SSPN: variants seen among roughly 807,000 people sequenced by gnomAD.
The protein encoded by SSPN is sarcospan, also known as K-ras oncogene-associated protein.
SSPN carries 15 observed loss-of-function variants against 19.1 expected under a neutral mutation model. The observed-to-expected ratio is 0.78, with a 90% confidence interval of 0.52 to 1.21. SSPN has a LOEUF of 1.21. SSPN is among the 50% of genes most tolerant of loss of function. The pLI, the probability that SSPN is intolerant of heterozygous loss-of-function variation, is 0.00. For missense variants in SSPN, 291 were observed against 314.0 expected (o/e 0.93, Z 0.55); for synonymous variants, 147 against 140.3 (o/e 1.05, Z -0.34).
intron 1 of SSPN, among the ~76,000 whole-genome samples, chr12:26,220,638 G>C (rs761603667): frequency 1.8e-4 from 28 of 152,048 alleles, no homozygotes; most frequent in Non-Finnish European, 3.5e-4. Flanking sequence ...ACAAATCCTT[G>C]TCTCCAACCC....
At chr12:26,227,198 T>A (rs763897361) in intron 2 of SSPN, among the ~76,000 whole-genome samples, 2 of 152,180 alleles carry the variant, frequency 1.3e-5, no homozygotes, top group Non-Finnish European at 2.9e-5. Flanking sequence ...AGCTTGTTGC[T>A]GTCAGATGAG....
intron 2 of SSPN, among the ~76,000 whole-genome samples, chr12:26,230,290 T>C (rs1452440982): frequency 3.9e-5 from 6 of 152,220 alleles, no homozygotes; most frequent in Admixed American, 6.5e-5. Flanking sequence ...GTGTTTGCAT[T>C]ACAAAAACCT....
At chr12:26,164,084 GT>G (rs1258867753) in intron 1 of SSPN, among the ~76,000 whole-genome samples, 1 of 152,186 alleles carries the variant, frequency 6.6e-6, no homozygotes, top group Non-Finnish European at 1.5e-5. Context: ...GCAAAGCCCC[GT>G]AAGCAGATCA....
chr12:26,174,584 A>G (rs547691312), intron 1 of SSPN, among the ~76,000 whole-genome samples: 1 of 149,172 alleles, frequency 6.7e-6, no homozygotes, highest in Non-Finnish European at 1.5e-5. Context: ...GCAGTGACAA[A>G]ATCCCAGCTC....
intron 1 of SSPN, among the ~76,000 whole-genome samples, chr12:26,127,442 C>T (rs982653987): frequency 6.6e-6 from 1 of 152,104 alleles, no homozygotes; most frequent in South Asian, 2.1e-4. Context: ...CTTTGAGGCT[C>T]CTCTCTCCCC....
chr12:26,137,656 A>ATATTTTTT (rs1377562695), intron 1 of SSPN, among the ~76,000 whole-genome samples: 9 of 76,436 alleles, frequency 1.2e-4, no homozygotes, highest in African/African-American at 5.2e-4. Flanking sequence ...ATATATATAT[A>ATATTTTTT]TTTTTTTTTT....
At chr12:26,124,252 T>TGGGGGGGGCGGGG in intron 1 of SSPN, 1 of 879,458 alleles carries the variant, frequency 1.1e-6, no homozygotes, top group Non-Finnish European at 1.8e-6. Flanking sequence ...TACCCTCGTC[T>TGGGGGGGGCGGGG]GCCCCCCCCG....
chr12:26,129,017 T>C (rs1944382426), intron 1 of SSPN, among the ~76,000 whole-genome samples: 1 of 152,164 alleles, frequency 6.6e-6, no homozygotes, highest in Non-Finnish European at 1.5e-5. Context: ...CTGAAAGGAT[T>C]AAAGTTTCCA....
chr12:26,122,194 G>A (rs1944312768), intron 1 of SSPN: 3 of 1,444,028 alleles, frequency 2.1e-6, no homozygotes, highest in Non-Finnish European at 2.7e-6. Flanking sequence ...GGCGCCCCAA[G>A]GGGCGCCACC....
intron 1 of SSPN, among the ~76,000 whole-genome samples, chr12:26,223,475 G>T (rs1945144325): frequency 6.6e-6 from 1 of 151,832 alleles, no homozygotes. Context: ...CTCCCGAAGT[G>T]TTGGGATGAC....
In SSPN at chr12:26,230,805, C is replaced by T. The variant is rs1418900268; in HGVS notation, c.461C>T (p.Thr154Ile). 2 of 1,614,086 alleles carry T rather than the reference C, an allele frequency of 1.2e-6. No homozygotes were observed. The highest frequency in any genetic ancestry group is 1.7e-6 in the Non-Finnish European group (2 of 1,180,046). Residue 154 changes from threonine (T) to isoleucine (I), a missense_variant, in exon 3 of 3, where the codon ACC (threonine) becomes ATC (isoleucine). Thr to Ile is a moderately conservative substitution (Grantham distance 89). Coordinates refer to ENST00000242729, the MANE Select transcript of SSPN (RefSeq NM_005086.5). ...CACTATTCGCAGCTCACACAGTTTA[C>T]CTGTGAGACCACACTCGACTCTTGC... is the stretch of plus-strand genomic sequence containing the variant. Reference protein sequence around the residue: ...AHHYSQLTQFTCETTLDSCQC... With the variant: ...AHHYSQLTQFICETTLDSCQC...
intron 1 of SSPN, among the ~76,000 whole-genome samples, chr12:26,189,212 T>G (rs1004427841): frequency 6.6e-5 from 10 of 152,234 alleles, no homozygotes; most frequent in African/African-American, 2.2e-4. Flanking sequence ...AATATGTTTT[T>G]GCCTATTTTA....
intron 1 of SSPN, among the ~76,000 whole-genome samples, chr12:26,186,204 T>TA (rs34853948): frequency 0.6 from 90,381 of 149,664 alleles, 28,717 homozygotes; most frequent in African/African-American, 0.83. Context: ...TCAGGAATGT[T>TA]AAAAAAAAAA....
At chr12:26,122,996 G>T in intron 1 of SSPN, 1 of 1,566,928 alleles carries the variant, frequency 6.4e-7, no homozygotes, top group Non-Finnish European at 8.7e-7. Context: ...GGGTGGGCAA[G>T]AACTGGGTGG....
At chr12:26,213,101 C>A (rs768579680) in intron 1 of SSPN, among the ~76,000 whole-genome samples, 1 of 149,234 alleles carries the variant, frequency 6.7e-6, no homozygotes, top group African/African-American at 2.5e-5. Context: ...TCTCATATGG[C>A]CAGAAAAATA....
At chr12:26,224,693 T>C (rs949823304) in intron 2 of SSPN, among the ~76,000 whole-genome samples, 3 of 151,486 alleles carry the variant, frequency 2.0e-5, no homozygotes, top group Admixed American at 2.0e-4. Context: ...TCTCTTTCAG[T>C]GCCCACTTCC....
intron 1 of SSPN, among the ~76,000 whole-genome samples, chr12:26,171,052 T>G (rs1386019302): frequency 6.6e-6 from 1 of 152,234 alleles, no homozygotes; most frequent in Non-Finnish European, 1.5e-5. Context: ...GTGATAGTGA[T>G]GAGATTCAAA....
chr12:26,210,210 G>A (rs1944970531), intron 1 of SSPN, among the ~76,000 whole-genome samples: 1 of 151,724 alleles, frequency 6.6e-6, no homozygotes, highest in African/African-American at 2.4e-5. Flanking sequence ...CTACACAGTG[G>A]ATTATTTTGC....
At chr12:26,175,248 T>A (rs1011420684) in intron 1 of SSPN, among the ~76,000 whole-genome samples, 2 of 152,238 alleles carry the variant, frequency 1.3e-5, no homozygotes, top group African/African-American at 4.8e-5. Flanking sequence ...TTCCCATACC[T>A]ATGAAGTGAC....
Sources: allele counts gnomAD v4.1 joint callset (sites outside exome capture counted in the v4.1 genomes callset), GRCh38; gene constraint gnomAD v4.1.1; transcripts MANE v1.5; gene names NCBI Gene and HGNC (gene_info 2026-07-23, HGNC 2026-07-21).